The following RXRG variants were observed in gnomAD, a reference collection of about 807,000 sequenced individuals.
RXRG encodes retinoid X receptor gamma, also known as retinoic acid receptor RXR-gamma.
Under a neutral mutation model 49.2 loss-of-function variants are expected in RXRG, and 19 were observed. That is an observed-to-expected ratio of 0.39 (90% CI 0.27 to 0.57). The LOEUF is 0.57. Among genes scored for constraint, RXRG ranks in the 20% least tolerant of loss-of-function variants. RXRG has a pLI of 0.64. For missense variants in RXRG, 452 were observed against 592.5 expected (o/e 0.76, Z 2.46); for synonymous variants, 224 against 216.6 (o/e 1.03, Z -0.30).
chr1:165,438,353 AAT>A (rs143956249), intron 1 of RXRG, among the ~76,000 whole-genome samples: 4,210 of 150,564 alleles, frequency 0.028, 86 homozygotes, highest in Admixed American at 0.063. Context: ...AATATTCCAA[AAT>A]AAAAAAAAAA....
intron 2 of RXRG, among the ~76,000 whole-genome samples, chr1:165,427,504 A>G (rs769751315): frequency 1.6e-4 from 24 of 152,130 alleles, no homozygotes; most frequent in Non-Finnish European, 2.9e-4. Flanking sequence ...GCATGGTGGC[A>G]CTATCTCAGC....
chr1:165,435,922 G>A (rs531379985), intron 1 of RXRG, among the ~76,000 whole-genome samples: 1 of 152,304 alleles, frequency 6.6e-6, no homozygotes, highest in African/African-American at 2.4e-5. Context: ...CCTTTGTAGT[G>A]TGAAAGCAGC....
At chr1:165,439,593 A>G (rs981714819) in intron 1 of RXRG, among the ~76,000 whole-genome samples, 8 of 152,326 alleles carry the variant, frequency 5.3e-5, no homozygotes, top group African/African-American at 1.9e-4. Flanking sequence ...TGGGGGCAGA[A>G]GGAGGGCCTC....
chr1:165,405,671 G>A (rs980859849), intron 9 of RXRG, among the ~76,000 whole-genome samples: 1 of 152,216 alleles, frequency 6.6e-6, no homozygotes, highest in Non-Finnish European at 1.5e-5. Context: ...GTGATGGCAT[G>A]CAAGGCAACC....
chr1:165,436,980 C>T (rs1030487886), intron 1 of RXRG: 53 of 1,123,784 alleles, frequency 4.7e-5, no homozygotes, highest in Non-Finnish European at 5.2e-5. Context: ...GTCAGAGGAA[C>T]GGGAAACAAA....
chr1:165,406,789 C>T (rs144624781), intron 9 of RXRG, 23 bp downstream of exon 9: 29 of 1,553,666 alleles, frequency 1.9e-5, no homozygotes, highest in Middle Eastern at 1.7e-4. Flanking sequence ...GCTGTTACTA[C>T]GATTCTGCCA....
intron 1 of RXRG, among the ~76,000 whole-genome samples, chr1:165,440,411 A>G (rs557284805): frequency 6.6e-6 from 1 of 152,220 alleles, no homozygotes; most frequent in African/African-American, 2.4e-5. Context: ...TTTTGGATTT[A>G]GGATTTTTTT....
At chr1:165,437,166 T>A (rs1483626425) in intron 1 of RXRG, 1 of 1,367,716 alleles carries the variant, frequency 7.3e-7, no homozygotes, top group Non-Finnish European at 9.8e-7. Flanking sequence ...CCTAGCGATG[T>A]GGAGAGCAGA....
intron 4 of RXRG, among the ~76,000 whole-genome samples, chr1:165,414,991 A>G (rs1658081427): frequency 6.6e-6 from 1 of 152,242 alleles, no homozygotes; most frequent in Non-Finnish European, 1.5e-5. Flanking sequence ...CAGTGGGGGA[A>G]AAAAGCAGAT....
At chr1:165,435,431 G>A (rs367887426) in intron 1 of RXRG, among the ~76,000 whole-genome samples, 54 of 152,162 alleles carry the variant, frequency 3.5e-4, no homozygotes, top group African/African-American at 1.2e-3. Flanking sequence ...CCCAAGACCC[G>A]CTAGCTGGTA....
intron 1 of RXRG, chr1:165,437,353 A>C (rs1041523630): frequency 1.7e-6 from 1 of 580,862 alleles, no homozygotes; most frequent in Non-Finnish European, 2.6e-6. Flanking sequence ...ATGTCTTCAA[A>C]ATATTTGGAG....
At chr1:165,406,179 TAGATGGCCTCAGAGATCTGC>T (rs1657742529) in intron 9 of RXRG, among the ~76,000 whole-genome samples, 3 of 80,194 alleles carry the variant, frequency 3.7e-5, no homozygotes, top group Non-Finnish European at 1.1e-4. Flanking sequence ...CCTATACTGC[TAGATGGCCTCAGAGATCTGC>T]TAGATGGCCT....
intron 7 of RXRG, among the ~76,000 whole-genome samples, chr1:165,408,810 T>C (rs1657842021): frequency 6.6e-6 from 1 of 152,120 alleles, no homozygotes; most frequent in African/African-American, 2.4e-5. Flanking sequence ...AGGGAAGTAA[T>C]AGATACAGCT....
rs915234482 is a variant in RXRG, at chr1:165,424,988, C to A, written c.297+3731G>T. On this transcript the variant is annotated intron_variant, in intron 2 of 9. Coordinates refer to ENST00000359842, the MANE Select transcript of RXRG (RefSeq NM_006917.5). ...CTGCTCAGGGTCTCAGGCTGCTGAGCTTCCCCAGCACTTGGCAAGCTTAAT... is the reference window on the plus strand; with the variant it reads ...CTGCTCAGGGTCTCAGGCTGCTGAGATTCCCCAGCACTTGGCAAGCTTAAT... The A allele has an allele frequency of 1.2e-4, 123 of 984,528 alleles. No individual in the cohort carries two copies. The African/African-American group carries it at 1.9e-3, about 16-fold the overall frequency. 61.0% of individuals were successfully genotyped at this position (984,528 alleles called of 1,614,324 possible). A position where few individuals can be genotyped will look rare whatever the true frequency, so the allele number is the denominator to read the frequency against.
intron 4 of RXRG, among the ~76,000 whole-genome samples, chr1:165,414,129 G>A (rs148705896): frequency 6.6e-6 from 1 of 152,202 alleles, no homozygotes; most frequent in East Asian, 1.9e-4. Flanking sequence ...GTCAGCGGAG[G>A]AATTGATTCA....
At chr1:165,405,045 C>A (rs529239680) in intron 9 of RXRG, among the ~76,000 whole-genome samples, 1 of 152,212 alleles carries the variant, frequency 6.6e-6, no homozygotes, top group African/African-American at 2.4e-5. Flanking sequence ...AGACATGAGC[C>A]ACCGCATATT....
chr1:165,417,753 G>A (rs1658172134), intron 3 of RXRG, among the ~76,000 whole-genome samples: 1 of 152,112 alleles, frequency 6.6e-6, no homozygotes. Context: ...ATTAATTGCT[G>A]TTTGATCTTT....
At chr1:165,429,693 GC>G (rs1228051150) in intron 1 of RXRG, among the ~76,000 whole-genome samples, 1 of 152,188 alleles carries the variant, frequency 6.6e-6, no homozygotes, top group African/African-American at 2.4e-5. Context: ...GGCCACAGAG[GC>G]CCAGGTAGCA....
At chr1:165,433,704 G>C (rs145174031) in intron 1 of RXRG, among the ~76,000 whole-genome samples, 323 of 152,304 alleles carry the variant, frequency 2.1e-3, no homozygotes, top group Non-Finnish European at 4.0e-3. Context: ...GTGAGCATTG[G>C]GTAGGACATG....
Sources: gnomAD v4.1 joint callset for allele counts (sites outside exome capture counted in the v4.1 genomes callset) on GRCh38, gnomAD v4.1.1 for gene constraint, MANE v1.5 for transcripts, NCBI Gene and HGNC (gene_info 2026-07-23, HGNC 2026-07-21) for gene names.